CDC73: variants seen among roughly 807,000 people sequenced by gnomAD.
The protein encoded by CDC73 is cell division cycle 73, also known as parafibromin.
In CDC73, 21 loss-of-function variants were observed where a neutral mutation model predicts 83.7. The ratio of observed to expected loss-of-function variants is 0.25; its 90% CI spans 0.18 to 0.36. CDC73 has a LOEUF of 0.36. Ranked by LOEUF, CDC73 falls within the 10% of genes least tolerant of loss-of-function variation. CDC73 has a pLI of 1.00. For missense variants in CDC73, 342 were observed against 653.3 expected (o/e 0.52, Z 5.19); for synonymous variants, 224 against 212.9 (o/e 1.05, Z -0.45).
intron 10 of CDC73, among the ~76,000 whole-genome samples, chr1:193,152,743 A>C (rs1676136511): frequency 6.6e-6 from 1 of 151,936 alleles, no homozygotes; most frequent in Non-Finnish European, 1.5e-5. Context: ...AGTTTGGGAG[A>C]GCTTTTTCGC....
At chr1:193,225,046 C>G (rs1677542309) in intron 13 of CDC73, among the ~76,000 whole-genome samples, 1 of 151,614 alleles carries the variant, frequency 6.6e-6, no homozygotes, top group African/African-American at 2.4e-5. Flanking sequence ...CCACAGTTTC[C>G]CCCTGCATCC....
chr1:193,145,947 A>G (rs1358688344), intron 7 of CDC73, among the ~76,000 whole-genome samples: 1 of 152,192 alleles, frequency 6.6e-6, no homozygotes, highest in African/African-American at 2.4e-5. Context: ...ATAAGCGGTA[A>G]TTATTACGTA....
intron 10 of CDC73, among the ~76,000 whole-genome samples, chr1:193,159,565 T>G (rs1676270948): frequency 6.6e-6 from 1 of 151,992 alleles, no homozygotes; most frequent in Admixed American, 6.6e-5. Context: ...AGAGACTGTA[T>G]TGGCCAGGCT....
intron 10 of CDC73, among the ~76,000 whole-genome samples, chr1:193,192,256 G>C (rs565455494): frequency 6.6e-6 from 1 of 152,204 alleles, no homozygotes; most frequent in Admixed American, 6.5e-5. Flanking sequence ...CAGCCTGGCT[G>C]ACATGGCAAA....
intron 13 of CDC73, among the ~76,000 whole-genome samples, chr1:193,229,238 T>C (rs1677615469): frequency 6.6e-6 from 1 of 152,232 alleles, no homozygotes; most frequent in Non-Finnish European, 1.5e-5. Context: ...AATGAAAGCA[T>C]GTGTTCACAA....
At chr1:193,221,970 G>A (rs189093036) in intron 13 of CDC73, among the ~76,000 whole-genome samples, 1 of 152,128 alleles carries the variant, frequency 6.6e-6, no homozygotes. Flanking sequence ...AAATAGCATA[G>A]ATTCTATTTA....
intron 16 of CDC73, among the ~76,000 whole-genome samples, chr1:193,250,174 CT>C (rs1376263030): frequency 1.3e-5 from 2 of 151,816 alleles, no homozygotes; most frequent in Non-Finnish European, 3.0e-5. Flanking sequence ...ATCCAAGGAA[CT>C]TTGGATTAAG....
At chr1:193,178,385 G>A (rs1676649106) in intron 10 of CDC73, among the ~76,000 whole-genome samples, 1 of 152,034 alleles carries the variant, frequency 6.6e-6, no homozygotes, top group Admixed American at 6.5e-5. Flanking sequence ...TTTTTCATGA[G>A]TCATTTTTTA....
At chr1:193,227,578 A>T (rs1677586495) in intron 13 of CDC73, among the ~76,000 whole-genome samples, 1 of 152,202 alleles carries the variant, frequency 6.6e-6, no homozygotes, top group South Asian at 2.1e-4. Flanking sequence ...CCCACTGTAA[A>T]ATTGTAGAAA....
intron 10 of CDC73, among the ~76,000 whole-genome samples, chr1:193,164,181 C>T (rs1676392851): frequency 6.6e-6 from 1 of 152,136 alleles, no homozygotes; most frequent in African/African-American, 2.4e-5. Context: ...GTCCATAGTA[C>T]ATAGTAACTG....
intron 13 of CDC73, among the ~76,000 whole-genome samples, chr1:193,212,895 G>A (rs1357811725): frequency 6.6e-6 from 1 of 152,088 alleles, no homozygotes; most frequent in Non-Finnish European, 1.5e-5. Context: ...TTAAAGAAGT[G>A]AAAATGAAAC....
intron 10 of CDC73, among the ~76,000 whole-genome samples, chr1:193,172,291 A>G (rs962066060): frequency 6.6e-6 from 1 of 151,162 alleles, no homozygotes; most frequent in Non-Finnish European, 1.5e-5. Context: ...ATTTATGCTA[A>G]GATATCCAAC....
At chr1:193,124,060 G>A (rs1675519029) in intron 1 of CDC73, among the ~76,000 whole-genome samples, 1 of 152,258 alleles carries the variant, frequency 6.6e-6, no homozygotes, top group Admixed American at 6.5e-5. Context: ...TATACTTAAA[G>A]GCTGTATGCT....
intron 10 of CDC73, among the ~76,000 whole-genome samples, chr1:193,156,334 G>T (rs942078897): frequency 6.6e-6 from 1 of 152,072 alleles, no homozygotes; most frequent in Non-Finnish European, 1.5e-5. Context: ...ATTGACTCTT[G>T]ATTACCTTTA....
chr1:193,164,025 C>A (rs1365658458), intron 10 of CDC73, among the ~76,000 whole-genome samples: 1 of 152,142 alleles, frequency 6.6e-6, no homozygotes, highest in Non-Finnish European at 1.5e-5. Flanking sequence ...TGATCGGTGG[C>A]CTCCCAAAGT....
rs200382043 is a variant in CDC73 at position 193,122,192 on chromosome 1, G to T, written c.-9G>T. 2.5e-5 allele frequency: 41 copies of T among 1,612,990 alleles called. No individual in the cohort carries two copies. Among genetic ancestry groups the T allele is most frequent in the African/African-American group, 1.7e-4 (13 of 74,900 alleles). ...GCGCCCCGAGCCGGCGGAGGCGAGG[G>T]GGGGGAAGATGGCGGACGTGCTTAG... On this transcript the variant is annotated 5_prime_UTR_variant, in exon 1 of 17. Transcript: ENST00000367435.
intron 10 of CDC73, among the ~76,000 whole-genome samples, chr1:193,187,440 TAACAC>T (rs1226675221): frequency 6.6e-6 from 1 of 152,210 alleles, no homozygotes; most frequent in Non-Finnish European, 1.5e-5. Context: ...CAGATTTTAT[TAACAC>T]TACACACTCA....
chr1:193,147,093 C>T (rs763346225), intron 7 of CDC73, among the ~76,000 whole-genome samples: 2 of 151,728 alleles, frequency 1.3e-5, no homozygotes, highest in Non-Finnish European at 2.9e-5. Flanking sequence ...GCTGGATTCA[C>T]GCCATTCTCC....
intron 15 of CDC73, among the ~76,000 whole-genome samples, chr1:193,239,738 G>A (rs898235637): frequency 6.6e-6 from 1 of 151,984 alleles, no homozygotes; most frequent in Admixed American, 6.5e-5. Flanking sequence ...TTATTTCTGT[G>A]TTTTGGGAAC....
Sources: allele counts gnomAD v4.1 joint callset (sites outside exome capture counted in the v4.1 genomes callset), GRCh38; gene constraint gnomAD v4.1.1; transcripts MANE v1.5; gene names NCBI Gene and HGNC (gene_info 2026-07-23, HGNC 2026-07-21).